The following CHD2 variants were observed in gnomAD, a reference collection of about 807,000 sequenced individuals.
The protein encoded by CHD2 is ATP-dependent chromatin remodeler CHD2.
Under a neutral mutation model 243.9 loss-of-function variants are expected in CHD2, and 28 were observed. That is an observed-to-expected ratio of 0.11 (90% CI 0.09 to 0.16). The LOEUF (loss-of-function observed/expected upper bound fraction) is 0.16, where lower values mean the gene tolerates loss of function less well. Ranked by LOEUF, CHD2 falls within the 10% of genes least tolerant of loss-of-function variation. The pLI is 1.00. For missense variants in CHD2, 1,386 were observed against 2,209.8 expected (o/e 0.63, Z 7.47); for synonymous variants, 775 against 779.0 (o/e 0.99, Z 0.09).
intron 2 of CHD2, among the ~76,000 whole-genome samples, chr15:92,921,831 G>T (rs1046859274): frequency 2.0e-5 from 3 of 152,198 alleles, no homozygotes; most frequent in African/African-American, 7.2e-5. Flanking sequence ...CAGGCCTGAG[G>T]TGAGCTAGGA....
chr15:93,023,137 C>A (rs1379967953), intron 38 of CHD2, among the ~76,000 whole-genome samples: 4 of 152,178 alleles, frequency 2.6e-5, no homozygotes, highest in African/African-American at 7.2e-5. Context: ...AAAACACTTT[C>A]ATCAGTCAGA....
chr15:92,920,808 T>C (rs983593137), intron 2 of CHD2, among the ~76,000 whole-genome samples: 1 of 152,236 alleles, frequency 6.6e-6, no homozygotes, highest in African/African-American at 2.4e-5. Flanking sequence ...TTGCACATTC[T>C]AGCAAATGAA....
chr15:93,000,829 G>C (rs1242062434), intron 32 of CHD2, among the ~76,000 whole-genome samples, 189 bp downstream of exon 32: 2 of 152,154 alleles, frequency 1.3e-5, no homozygotes, highest in Non-Finnish European at 2.9e-5. Context: ...GTACATAATG[G>C]AAGTAAATGA....
At chr15:92,986,232 T>A (rs1034542462) in intron 26 of CHD2, among the ~76,000 whole-genome samples, 1 of 152,178 alleles carries the variant, frequency 6.6e-6, no homozygotes, top group Non-Finnish European at 1.5e-5. Flanking sequence ...GGTATCTGAT[T>A]CAAATGTCTC....
At chr15:93,009,545 T>G (rs551065130) in intron 35 of CHD2, among the ~76,000 whole-genome samples, 1 of 152,354 alleles carries the variant, frequency 6.6e-6, no homozygotes, top group African/African-American at 2.4e-5. Context: ...TTAATTTATT[T>G]TATGAGAGAA....
At chr15:92,992,807 A>T (rs1249091016) in intron 27 of CHD2, 52 bp from the exon 28 acceptor site, 1 of 1,599,940 alleles carries the variant, frequency 6.3e-7, no homozygotes, top group Non-Finnish European at 8.5e-7. Context: ...CATGACACTT[A>T]AGAAGAGTGG....
intron 37 of CHD2, among the ~76,000 whole-genome samples, chr15:93,016,618 T>C (rs2054463939): frequency 6.6e-6 from 1 of 151,950 alleles, no homozygotes; most frequent in Non-Finnish European, 1.5e-5. Context: ...ATAGACTCAG[T>C]CTCTACAAAA....
chr15:92,923,160 A>G (rs527706253), intron 2 of CHD2, among the ~76,000 whole-genome samples: 3 of 152,328 alleles, frequency 2.0e-5, no homozygotes, highest in African/African-American at 7.2e-5. Context: ...ATTTTTATAA[A>G]GCTCCTCAGA....
At chr15:92,993,681 G>A (rs1323992743) in intron 28 of CHD2, among the ~76,000 whole-genome samples, 1 of 152,180 alleles carries the variant, frequency 6.6e-6, no homozygotes, top group Non-Finnish European at 1.5e-5. Context: ...AGTGGCTCAC[G>A]CCTGTAATCC....
At position 93,027,591 on chromosome 15, in the gene CHD2, A is replaced by G. The variant is rs1017296603; in HGVS notation, c.*2886A>G. 6.5e-6 allele frequency: 1 copy of G among 152,684 alleles called. No homozygotes were observed. The highest frequency in any genetic ancestry group is 1.5e-5 in the Non-Finnish European group (1 of 68,058). 9.5% of individuals were successfully genotyped at this position (152,684 alleles called of 1,614,324 possible). ...AAAGTTGCATCAGTCCTCACGGTGC[A>G]AACACAGTTGATTTAGGAAGTCACA... is the stretch of plus-strand genomic sequence containing the variant. On this transcript the variant is annotated 3_prime_UTR_variant, in exon 39 of 39. Coordinates refer to ENST00000394196, the MANE Select transcript of CHD2 (RefSeq NM_001271.4).
At chr15:93,022,363 A>G (rs1313980842) in intron 38 of CHD2, among the ~76,000 whole-genome samples, 1 of 152,192 alleles carries the variant, frequency 6.6e-6, no homozygotes, top group Admixed American at 6.5e-5. Flanking sequence ...CTCACTCATT[A>G]TCACAAGGAC....
intron 24 of CHD2, 82 bp downstream of exon 24, chr15:92,981,539 A>G: frequency 9.3e-7 from 1 of 1,074,882 alleles, no homozygotes; most frequent in Non-Finnish European, 1.4e-6. Context: ...TCTTTGTGCT[A>G]GGCGCTCTGC....
rs537879156 is a variant in CHD2 at position 92,917,871 on chromosome 15, G to A, written c.63-6450G>A. ...TTTGACATATGCCTGACACAAAAGT[G>A]CTCCGTAAATATTAGCTATTGTATC... On this transcript the variant is annotated intron_variant, in intron 2 of 38. Coordinates refer to ENST00000394196, the MANE Select transcript of CHD2 (RefSeq NM_001271.4). Among the ~76,000 whole-genome samples, 3 of 152,184 alleles carry A rather than the reference G, an allele frequency of 2.0e-5. No individual in the cohort carries two copies. The South Asian group carries it at 6.2e-4, about 31-fold the overall frequency.
chr15:93,006,932 T>G (rs1441161657), intron 34 of CHD2, among the ~76,000 whole-genome samples: 4 of 152,258 alleles, frequency 2.6e-5, no homozygotes, highest in Non-Finnish European at 4.4e-5. Context: ...TTCCACAGTT[T>G]AATTTTTTCC....
Position 93,014,878 on chromosome 15 carries a change from T to C in CHD2, c.4875T>C (p.Asn1625=). 6.2e-7 allele frequency: 1 copy of C among 1,614,092 alleles called. No individual in the cohort carries two copies. The highest frequency in any genetic ancestry group is 1.1e-5 in the South Asian group (1 of 91,076). Reference sequence around the variant, plus strand: ...ATGGACACCCAAGAGATAACTACAATCACCCCAACAAGAGACACTTCAGTA... The same window carrying C: ...ATGGACACCCAAGAGATAACTACAACCACCCCAACAAGAGACACTTCAGTA... ...QMHGHPRDNY[N]HPNKRHFSNA... The change falls in exon 37 of 39, where the codon AAT becomes AAC. Residue 1625 remains asparagine, a synonymous_variant. Coordinates refer to ENST00000394196, the MANE Select transcript of CHD2 (RefSeq NM_001271.4).
At chr15:92,915,857 A>G (rs1473836010) in intron 2 of CHD2, among the ~76,000 whole-genome samples, 2 of 152,154 alleles carry the variant, frequency 1.3e-5, no homozygotes, top group African/African-American at 4.8e-5. Context: ...AAAATGCTAC[A>G]TACCTCCCTA....
chr15:92,952,964 A>G (rs555974339), intron 13 of CHD2, among the ~76,000 whole-genome samples: 9 of 152,366 alleles, frequency 5.9e-5, no homozygotes, highest in Admixed American at 4.6e-4. Flanking sequence ...TGGGCCAGCC[A>G]CAGGATTCAC....
rs764946712 is a variant in CHD2 at position 92,948,810 on chromosome 15, G to T, written c.1378-142G>T. The T allele has an allele frequency of 6.8e-6, 6 of 877,352 alleles. 1 individual carries two copies. Among genetic ancestry groups the T allele is most frequent in the Middle Eastern group, 2.3e-4 (1 of 4,262 alleles). 54.3% of individuals were successfully genotyped at this position (877,352 alleles called of 1,614,324 possible). A position where few individuals can be genotyped will look rare whatever the true frequency, so the allele number is the denominator to read the frequency against. On this transcript the variant is annotated intron_variant, in intron 12 of 38. Coordinates refer to ENST00000394196, the MANE Select transcript of CHD2 (RefSeq NM_001271.4). ...GCCGAGATTGGGCCACTGCACTCCA[G>T]CCTGGGTGACAGAGCAAGACTCCGT...
At position 92,961,287 on chromosome 15, in the gene CHD2, C is replaced by T. The variant is rs949026861; in HGVS notation, c.2000+4638C>T. On this transcript the variant is annotated intron_variant, in intron 16 of 38. Coordinates refer to ENST00000394196, the MANE Select transcript of CHD2 (RefSeq NM_001271.4). Reference sequence around the variant, plus strand: ...CCAGTTACAGGTTCACTTAAGTTTTCTATTCTTCTTGACTTAGTTTTGTTA... The same window carrying T: ...CCAGTTACAGGTTCACTTAAGTTTTTTATTCTTCTTGACTTAGTTTTGTTA... Among the ~76,000 whole-genome samples the T allele has an allele frequency of 7.0e-5, 4 of 57,084 alleles. No homozygotes were observed. The Admixed American group carries it at 1.3e-3, about 18-fold the overall frequency. 37.4% of individuals were successfully genotyped at this position (57,084 alleles called of 152,430 possible).
Sources: gnomAD v4.1 joint callset for allele counts (sites outside exome capture counted in the v4.1 genomes callset) on GRCh38, gnomAD v4.1.1 for gene constraint, MANE v1.5 for transcripts, NCBI Gene and HGNC (gene_info 2026-07-23, HGNC 2026-07-21) for gene names.